The following GAPDHS variants were observed in gnomAD, a reference collection of about 807,000 sequenced individuals.
GAPDHS encodes the protein glyceraldehyde-3-phosphate dehydrogenase, testis-specific.
Under a neutral mutation model 48.7 loss-of-function variants are expected in GAPDHS, and 42 were observed. The ratio of observed to expected loss-of-function variants is 0.86; its 90% CI spans 0.67 to 1.12. The LOEUF (loss-of-function observed/expected upper bound fraction) is 1.12. GAPDHS is among the 50% of genes most tolerant of loss of function. The probability of loss-of-function intolerance (pLI) is 0.00; values close to 1 mark genes in which losing one functional copy is unlikely to be tolerated. For missense variants in GAPDHS, 512 were observed against 557.7 expected, an observed-to-expected ratio of 0.92 and a Z score of 0.82; for synonymous variants, 166 against 219.1, an observed-to-expected ratio of 0.76 and a Z score of 2.14.
intron 3 of GAPDHS, 76 bp downstream of exon 3, chr19:35,538,479 G>A (rs1021139259): frequency 7.8e-7 from 1 of 1,278,274 alleles, no homozygotes. Flanking sequence ...CTGTATGGAA[G>A]GCTCTCAGCT....
chr19:35,534,193 GCA>G lies in GAPDHS; in HGVS notation c.67+617_67+618del, dbSNP rs3216892. ...ACAAGGGCGGCGCGCCCGCGCGCGC[GCA>G]CACACACACACACACACTCACTCAC... On this transcript the variant is annotated intron_variant, in intron 1 of 10. Transcript: ENST00000222286. Among the ~76,000 whole-genome samples, 364 of 136,970 alleles carry G rather than the reference GCA, an allele frequency of 2.7e-3. 1 individual carries two copies. The highest frequency in any genetic ancestry group is 7.7e-3 in the Middle Eastern group (2 of 260). The allele number at this position is 136,970 out of a possible 152,430, so 89.9% of individuals were successfully genotyped here. A position where few individuals can be genotyped will look rare whatever the true frequency, so the allele number is the denominator to read the frequency against.
chr19:35,534,402 G>A (rs986596637), intron 1 of GAPDHS, among the ~76,000 whole-genome samples: 7 of 152,194 alleles, frequency 4.6e-5, no homozygotes, highest in African/African-American at 1.7e-4. Context: ...CCTGCCCTGC[G>A]CATCACTGCT....
At chr19:35,538,936 C>T (rs773644464) in intron 4 of GAPDHS, among the ~76,000 whole-genome samples, 4 of 151,998 alleles carry the variant, frequency 2.6e-5, no homozygotes, top group Non-Finnish European at 5.9e-5. Flanking sequence ...TTTTTAGGGA[C>T]GGGGTATCAC....
intron 4 of GAPDHS, 86 bp from the exon 5 acceptor site, chr19:35,542,233 T>G: frequency 3.2e-6 from 3 of 928,744 alleles, no homozygotes; most frequent in Non-Finnish European, 5.3e-6. Flanking sequence ...CGGTACCTGC[T>G]CAGCCTGTCA....
chr19:35,538,775 GGT>G (rs1231873508), intron 4 of GAPDHS, 92 bp downstream of exon 4: 16 of 818,972 alleles, frequency 2.0e-5, no homozygotes, highest in Non-Finnish European at 2.9e-5. Context: ...TCTCACATGG[GGT>G]GCTGAAACCA....
At chr19:35,540,368 C>T (rs11084822) in intron 4 of GAPDHS, among the ~76,000 whole-genome samples, 28,490 of 152,200 alleles carry the variant, frequency 0.19, 3,279 homozygotes, top group Non-Finnish European at 0.25. Context: ...CCCATGACAG[C>T]CTTGGGGAGG....
At chr19:35,535,582 T>C (rs534334056) in intron 1 of GAPDHS, among the ~76,000 whole-genome samples, 2 of 151,998 alleles carry the variant, frequency 1.3e-5, no homozygotes, top group East Asian at 3.9e-4. Context: ...AGACGGGGTT[T>C]CTGCATGTTG....
chr19:35,544,969 A>C lies in GAPDHS; in HGVS notation c.1117A>C (p.Ile373Leu). ...HSSIFDAKAG[I>L]ALNDNFVKLI... is the part of the protein sequence containing the mutation. ...GTCCATCTTCGATGCTAAGGCCGGC[A>C]TTGCGCTCAATGACAATTTCGTGAA... is the stretch of plus-strand genomic sequence containing the variant. The change falls in exon 10 of 11, where the codon ATT becomes CTT. Residue 373 changes from isoleucine to leucine, a missense_variant. Transcript: ENST00000222286. 1 of 1,613,952 alleles carries C rather than the reference A, an allele frequency of 6.2e-7. No individual in the cohort carries two copies. Among genetic ancestry groups the C allele is most frequent in the Non-Finnish European group, 8.5e-7 (1 of 1,179,816 alleles).
At chr19:35,536,725 G>A in intron 1 of GAPDHS, 88 bp from the exon 2 acceptor site, 1 of 1,137,964 alleles carries the variant, frequency 8.8e-7, no homozygotes, top group Non-Finnish European at 1.3e-6. Flanking sequence ...GGGGCCAGGA[G>A]CCAGCAACAG....
At position 35,542,958 on chromosome 19, in the gene GAPDHS, A is replaced by G. The variant is rs751139923; in HGVS notation, c.673A>G (p.Thr225Ala). The G allele has an allele frequency of 3.1e-6, 5 of 1,614,044 alleles. No individual in the cohort carries two copies. The highest frequency in any genetic ancestry group is 4.2e-6 in the Non-Finnish European group (5 of 1,179,894). ...SMNIVSNASC[T>A]TNCLAPLAKV... Reference sequence around the variant, plus strand: ...TGGCTGTTTCAGCAACGCGTCCTGCACCACCAACTGTTTGGCTCCCCTCGC... The same window carrying G: ...TGGCTGTTTCAGCAACGCGTCCTGCGCCACCAACTGTTTGGCTCCCCTCGC... Residue 225 changes from threonine to alanine, a missense_variant, in exon 7 of 11, where the codon ACC becomes GCC. Thr to Ala is a moderately conservative substitution (Grantham distance 58). Coordinates refer to ENST00000222286, the MANE Select transcript of GAPDHS (RefSeq NM_014364.5).
chr19:35,537,682 C>T (rs2071474466), intron 2 of GAPDHS, among the ~76,000 whole-genome samples: 2 of 151,932 alleles, frequency 1.3e-5, no homozygotes, highest in African/African-American at 4.8e-5. Context: ...GAGTTTGAGA[C>T]CAGCGTGGGC....
chr19:35,538,893 C>T (rs1402940344), intron 4 of GAPDHS, among the ~76,000 whole-genome samples: 1 of 152,174 alleles, frequency 6.6e-6, no homozygotes, highest in African/African-American at 2.4e-5. Flanking sequence ...AAAGATGCCT[C>T]ACTGTACTGA....
At chr19:35,543,073 C>T in intron 7 of GAPDHS, 47 bp downstream of exon 7, 5 of 1,406,442 alleles carry the variant, frequency 3.6e-6, no homozygotes, top group Non-Finnish European at 4.0e-6. Flanking sequence ...GCAGGGAAAC[C>T]CAACTTCTTC....
chr19:35,538,552 C>T, intron 3 of GAPDHS, 25 bp from the exon 4 acceptor site: 1 of 1,460,748 alleles, frequency 6.8e-7, no homozygotes, highest in Non-Finnish European at 9.6e-7. Context: ...CACCCCAAGA[C>T]TAGGAGCCAT....
Position 35,536,900 on chromosome 19 carries a change from AGCCACCACC to A in GAPDHS, c.164_172del (p.Pro55_Pro57del). 1.2e-6 allele frequency: 2 copies of A among 1,613,896 alleles called. No individual in the cohort carries two copies. Among genetic ancestry groups the A allele is most frequent in the Admixed American group, 1.7e-5 (1 of 59,996 alleles). On this transcript the variant is annotated inframe_deletion, in exon 2 of 11. Coordinates refer to ENST00000222286, the MANE Select transcript of GAPDHS (RefSeq NM_014364.5). ...CCCACACCAGTCAGGGAGGAAATAA[AGCCACCACC>A]GCCACCACTGCCTCCTCACCCCGCT...
chr19:35,538,981 A>G (rs1745270165), intron 4 of GAPDHS, among the ~76,000 whole-genome samples: 1 of 152,146 alleles, frequency 6.6e-6, no homozygotes, highest in South Asian at 2.1e-4. Context: ...TGGTGTAATC[A>G]TAGCTCACCG....
rs377045019 is a variant in GAPDHS, at chr19:35,543,420, C to G, written c.822C>G (p.Ala274=). The change falls in exon 8 of 11, where the codon GCC becomes GCG. Residue 274 remains alanine (A), a synonymous_variant. Transcript: ENST00000222286. ...AGGCCTGGCGAGATGGGCGGGGTGC[C>G]CACCAGAACATCATCCCAGCCTCCA... is the stretch of plus-strand genomic sequence containing the variant. ...SRKAWRDGRG[A]HQNIIPASTG... 8.1e-6 allele frequency: 13 copies of G among 1,610,590 alleles called. No individual in the cohort carries two copies. Among genetic ancestry groups the G allele is most frequent in the Non-Finnish European group, 1.1e-5 (13 of 1,179,000 alleles).
At chr19:35,537,332 C>T (rs781327172) in intron 2 of GAPDHS, among the ~76,000 whole-genome samples, 1 of 152,150 alleles carries the variant, frequency 6.6e-6, no homozygotes, top group East Asian at 1.9e-4. Flanking sequence ...TGAGACACAG[C>T]CAGCTCCCAG....
At chr19:35,544,770 C>T in intron 9 of GAPDHS, 139 bp from the exon 10 acceptor site, 1 of 675,092 alleles carries the variant, frequency 1.5e-6, no homozygotes. Context: ...CCCTCCAGTC[C>T]AGAGACTGGA....
Sources: gnomAD v4.1 joint callset for allele counts (sites outside exome capture counted in the v4.1 genomes callset) on GRCh38, gnomAD v4.1.1 for gene constraint, MANE v1.5 for transcripts, NCBI Gene and HGNC (gene_info 2026-07-23, HGNC 2026-07-21) for gene names.